TLN2: variants seen among roughly 807,000 people sequenced by gnomAD.
TLN2 encodes talin 2, also known as talin-2.
A neutral mutation model predicts 294.7 loss-of-function variants in TLN2; 118 were observed. The ratio of observed to expected loss-of-function variants is 0.40; its 90% CI spans 0.34 to 0.47. The LOEUF (loss-of-function observed/expected upper bound fraction) is 0.47. Among genes scored for constraint, TLN2 ranks in the 20% least tolerant of loss-of-function variants. The pLI, the probability that TLN2 is intolerant of heterozygous loss-of-function variation, is 0.84. For missense variants in TLN2, 3,083 were observed against 3,282.2 expected (o/e 0.94, Z 1.48); for synonymous variants, 1,431 against 1,304.5 (o/e 1.10, Z -2.09).
At chr15:62,438,960 C>T (rs550538676) in intron 1 of TLN2, among the ~76,000 whole-genome samples, 2 of 152,226 alleles carry the variant, frequency 1.3e-5, no homozygotes, top group Non-Finnish European at 1.5e-5. Context: ...TTTAACAATA[C>T]GGTTGTGATT....
chr15:62,524,182 G>A (rs920538476), intron 1 of TLN2, among the ~76,000 whole-genome samples: 3 of 152,200 alleles, frequency 2.0e-5, no homozygotes, highest in African/African-American at 7.2e-5. Flanking sequence ...GGCTATTCCA[G>A]CATTCCTGTG....
intron 1 of TLN2, among the ~76,000 whole-genome samples, chr15:62,528,206 A>C (rs1303294475): frequency 6.6e-6 from 1 of 152,228 alleles, no homozygotes; most frequent in Non-Finnish European, 1.5e-5. Context: ...ATAATTTGTT[A>C]AATGGATATG....
intron 1 of TLN2, among the ~76,000 whole-genome samples, chr15:62,518,565 G>C (rs2040299224): frequency 6.6e-6 from 1 of 151,652 alleles, no homozygotes; most frequent in South Asian, 2.1e-4. Context: ...GCAAAATATG[G>C]TGAACGGTGG....
chr15:62,611,428 A>G (rs2047905458), intron 2 of TLN2, among the ~76,000 whole-genome samples: 1 of 152,150 alleles, frequency 6.6e-6, no homozygotes, highest in Admixed American at 6.5e-5. Context: ...GTTTCCCTTG[A>G]TAGACAGTAG....
At position 62,750,413 on chromosome 15, in the gene TLN2, G is replaced by T; in HGVS notation, c.4131G>T (p.Gly1377=). 6.2e-7 allele frequency: 1 copy of T among 1,614,112 alleles called. No individual in the cohort carries two copies. ...NALRELETVK[G]MLDNPNEPVS... The stretch of plus-strand genomic sequence containing the variant: ...TTCTTCTTCTGTAGACTGTGAAGGG[G>T]ATGTTGGACAATCCTAATGAACCTG... The change falls in exon 34 of 59, where the codon GGG becomes GGT. Residue 1377 remains glycine (G), a synonymous_variant. Coordinates refer to ENST00000636159, the MANE Select transcript of TLN2 (RefSeq NM_015059.3).
At chr15:62,684,363 A>T (rs1203302042) in intron 11 of TLN2, among the ~76,000 whole-genome samples, 7 of 152,212 alleles carry the variant, frequency 4.6e-5, no homozygotes, top group African/African-American at 1.7e-4. Flanking sequence ...CCTAGAGCCT[A>T]TCAAGCTAAA....
chr15:62,399,252 C>CAA (rs1275645462), intron 1 of TLN2, among the ~76,000 whole-genome samples: 16 of 2,590 alleles, frequency 6.2e-3, no homozygotes, highest in Admixed American at 0.026. Flanking sequence ...GACTCCGTCT[C>CAA]AAACAAAAAA....
chr15:62,740,040 GTTTTTTGTT>G, intron 31 of TLN2, among the ~76,000 whole-genome samples: 1 of 131,876 alleles, frequency 7.6e-6, no homozygotes, highest in African/African-American at 2.9e-5. Flanking sequence ...GCAGAGCTGT[GTTTTTTGTT>G]TTTTTTTTTT....
intron 54 of TLN2, among the ~76,000 whole-genome samples, chr15:62,825,429 A>G (rs948787804): frequency 6.6e-6 from 1 of 151,990 alleles, no homozygotes; most frequent in African/African-American, 2.4e-5. Context: ...AGTGATTAAT[A>G]TGGTGAAGGG....
chr15:62,762,572 T>C (rs1275408639), intron 39 of TLN2, 119 bp downstream of exon 39: 1 of 1,189,174 alleles, frequency 8.4e-7, no homozygotes, highest in Non-Finnish European at 1.2e-6. Flanking sequence ...CTTTTTCTTT[T>C]CTCTTTGGGG....
intron 55 of TLN2, chr15:62,834,330 T>C (rs796924945): frequency 1.9e-4 from 29 of 152,314 alleles, no homozygotes; most frequent in African/African-American, 6.7e-4. Flanking sequence ...GCCTCTCAAA[T>C]GGAGAGGCGC....
At chr15:62,537,087 C>T (rs1371140441) in intron 1 of TLN2, among the ~76,000 whole-genome samples, 4 of 151,410 alleles carry the variant, frequency 2.6e-5, no homozygotes, top group African/African-American at 9.7e-5. Flanking sequence ...GGCTTGATCT[C>T]AGCTCACTGC....
At chr15:62,794,125 G>A (rs1046827199) in intron 46 of TLN2, among the ~76,000 whole-genome samples, 3 of 152,172 alleles carry the variant, frequency 2.0e-5, no homozygotes, top group Non-Finnish European at 4.4e-5. Context: ...AGAGGGGTCC[G>A]AGCTACATAG....
At chr15:62,392,802 G>T (rs903787854) in intron 1 of TLN2, among the ~76,000 whole-genome samples, 1 of 152,108 alleles carries the variant, frequency 6.6e-6, no homozygotes, top group South Asian at 2.1e-4. Context: ...TGGGAGATGT[G>T]CCTGGAGATG....
At chr15:62,445,949 G>A (rs965674666) in intron 1 of TLN2, among the ~76,000 whole-genome samples, 1 of 151,514 alleles carries the variant, frequency 6.6e-6, no homozygotes. Flanking sequence ...TCGCCTACTG[G>A]CCCTTTCTTG....
intron 1 of TLN2, among the ~76,000 whole-genome samples, chr15:62,546,093 G>T (rs1304480677): frequency 1.3e-5 from 2 of 152,202 alleles, no homozygotes; most frequent in African/African-American, 4.8e-5. Flanking sequence ...TGGGGGAAGA[G>T]CAAGTCCTCT....
intron 2 of TLN2, among the ~76,000 whole-genome samples, chr15:62,617,452 C>T (rs922392540): frequency 6.6e-6 from 1 of 152,178 alleles, no homozygotes; most frequent in African/African-American, 2.4e-5. Context: ...AAGGCACTCA[C>T]CTATCCTTGT....
intron 22 of TLN2, among the ~76,000 whole-genome samples, chr15:62,714,253 A>C (rs1300209430): frequency 8.4e-6 from 1 of 118,646 alleles, no homozygotes; most frequent in Non-Finnish European, 1.6e-5. Flanking sequence ...CCCAGGCTGG[A>C]GTGCAGTGGC....
chr15:62,834,329 A>C (rs1457072425), intron 55 of TLN2: 1 of 152,178 alleles, frequency 6.6e-6, no homozygotes, highest in Non-Finnish European at 1.5e-5. Flanking sequence ...AGCCTCTCAA[A>C]TGGAGAGGCG....
Sources: allele counts gnomAD v4.1 joint callset (sites outside exome capture counted in the v4.1 genomes callset), GRCh38; gene constraint gnomAD v4.1.1; transcripts MANE v1.5; gene names NCBI Gene and HGNC (gene_info 2026-07-23, HGNC 2026-07-21).